ATP7B: variants seen among roughly 807,000 people sequenced by gnomAD.
ATP7B encodes ATPase copper transporting beta.
A neutral mutation model predicts 118.9 loss-of-function variants in ATP7B; 113 were observed. The observed-to-expected ratio is 0.95, with a 90% CI of 0.82 to 1.11. ATP7B has a LOEUF of 1.11. Among genes scored for constraint, ATP7B ranks in the 50% most tolerant of loss-of-function variants. ATP7B has a pLI of 0.00. For missense variants in ATP7B, 1,867 were observed against 1,871.4 expected (o/e 1.00, Z 0.04); for synonymous variants, 777 against 727.4 (o/e 1.07, Z -1.10).
intron 14 of ATP7B, 139 bp downstream of exon 14, chr13:51,943,970 G>T (rs147355085): frequency 1.4e-5 from 15 of 1,060,054 alleles, no homozygotes; most frequent in Non-Finnish European, 1.8e-5. Flanking sequence ...CTATATCTCC[G>T]CCTGCTGCAG....
chr13:51,995,980 C>A (rs1953186986), intron 1 of ATP7B, among the ~76,000 whole-genome samples: 1 of 152,222 alleles, frequency 6.6e-6, no homozygotes, highest in African/African-American at 2.4e-5. Context: ...GAAACCCAGT[C>A]TAGAGGCAGG....
chr13:51,951,358 G>A (rs936431883), intron 9 of ATP7B, among the ~76,000 whole-genome samples: 7 of 152,130 alleles, frequency 4.6e-5, no homozygotes, highest in Non-Finnish European at 1.0e-4. Context: ...AAGCAGCTAA[G>A]GGAGGGTGAG....
At position 51,934,859 on chromosome 13, in the gene ATP7B, G is replaced by A. The variant is rs375692175; in HGVS notation, c.4295C>T (p.Ser1432Phe). 35 of 1,614,090 alleles carry A rather than the reference G, an allele frequency of 2.2e-5. No individual in the cohort carries two copies. Among genetic ancestry groups the A allele is most frequent in the Middle Eastern group, 3.3e-4 (2 of 6,078 alleles). ...CCGAGATGGCTTGTCGGACGTCAGG[G>A]AGGACAGCGACACCTGGCTGACATA... ...VSYVSQVSLS[S>F]LTSDKPSRHS... is the part of the protein sequence containing the mutation. The change falls in exon 21 of 21, where the codon TCC (serine) becomes TTC (phenylalanine). Residue 1432 changes from serine (S) to phenylalanine (F), a missense_variant. Coordinates refer to ENST00000242839, the MANE Select transcript of ATP7B (RefSeq NM_000053.4).
chr13:51,953,851 TAA>T (rs561139788), intron 9 of ATP7B, among the ~76,000 whole-genome samples: 11 of 94,332 alleles, frequency 1.2e-4, no homozygotes, highest in Non-Finnish European at 1.0e-4. Flanking sequence ...CCATCAATTG[TAA>T]AAAAAAAAAA....
At chr13:51,949,822 T>C (rs372522271) in intron 11 of ATP7B, 26 bp from the exon 12 acceptor site, 24 of 1,613,620 alleles carry the variant, frequency 1.5e-5, no homozygotes, top group African/African-American at 8.0e-5. Context: ...ACCAAGACCA[T>C]GGGAAATTAC....
At chr13:51,976,614 T>C (rs986701792) in intron 1 of ATP7B, among the ~76,000 whole-genome samples, 1 of 152,200 alleles carries the variant, frequency 6.6e-6, no homozygotes, top group African/African-American at 2.4e-5. Flanking sequence ...GTGACCATCA[T>C]AGAGTCACTT....
chr13:51,945,525 G>A (rs1200375283), intron 13 of ATP7B, among the ~76,000 whole-genome samples: 2 of 152,104 alleles, frequency 1.3e-5, no homozygotes, highest in Non-Finnish European at 2.9e-5. Context: ...GTTCGTATTC[G>A]CTTCCCTGAC....
At position 51,942,487 on chromosome 13, in the gene ATP7B, C is replaced by T. The variant is rs764041557; in HGVS notation, c.3311G>A (p.Cys1104Tyr). The T allele has an allele frequency of 1.9e-6, 3 of 1,614,100 alleles. No individual in the cohort carries two copies. The highest frequency in any genetic ancestry group is 1.1e-5 in the South Asian group (1 of 91,086). The change falls in exon 15 of 21, where the codon TGC (cysteine) becomes TAC (tyrosine). Residue 1104 changes from cysteine to tyrosine, a missense_variant. By Grantham distance (194) the Cys-to-Tyr change is radical. Transcript: ENST00000242839. ...GATGCCTTCCACGTTGCTGACTTTG[C>T]ACCCAATTCCACAGCCTGGCACTGC... Reference protein sequence around the residue: ...FQAVPGCGIGCKVSNVEGILA... With the variant: ...FQAVPGCGIGYKVSNVEGILA...
In ATP7B at chr13:51,958,444, T is replaced by G; in HGVS notation, c.2222A>C (p.Tyr741Ser). ...CACCAGGATGACCAGAGAATAAACA[T>G]AAGCAATGCTTGTGGCCAGGACGAT... is the stretch of plus-strand genomic sequence containing the variant. The part of the protein sequence containing the change: ...VLIVLATSIA[Y>S]VYSLVILVVA... The change falls in exon 8 of 21, where the codon TAT becomes TCT. Residue 741 changes from tyrosine to serine, a missense_variant. Coordinates refer to ENST00000242839, the MANE Select transcript of ATP7B (RefSeq NM_000053.4). 6.2e-7 allele frequency: 1 copy of G among 1,614,188 alleles called. No homozygotes were observed. Among genetic ancestry groups the G allele is most frequent in the Non-Finnish European group, 8.5e-7 (1 of 1,180,042 alleles).
chr13:51,999,393 G>A (rs1478129981), intron 1 of ATP7B, among the ~76,000 whole-genome samples: 1 of 152,126 alleles, frequency 6.6e-6, no homozygotes, highest in African/African-American at 2.4e-5. Context: ...TTTCATATCA[G>A]CTTATTAACA....
At chr13:51,962,422 G>T (rs184333998) in intron 5 of ATP7B, among the ~76,000 whole-genome samples, 1 of 152,166 alleles carries the variant, frequency 6.6e-6, no homozygotes, top group Non-Finnish European at 1.5e-5. Context: ...CTTGTGCTTT[G>T]CTCACAGTTT....
In ATP7B at chr13:51,970,703, G is replaced by A; in HGVS notation, c.1332C>T (p.Ser444=). The A allele has an allele frequency of 6.2e-7, 1 of 1,614,140 alleles. No homozygotes were observed. The highest frequency in any genetic ancestry group is 8.5e-7 in the Non-Finnish European group (1 of 1,179,974). Reference sequence around the variant, plus strand: ...GTGTACCATCTGTAGTTTGCACCATGGAATTCCCAGCACTGTGGTTTCCAA... The same window carrying A: ...GTGTACCATCTGTAGTTTGCACCATAGAATTCCCAGCACTGTGGTTTCCAA... The part of the protein sequence containing the change: ...NPLGNHSAGN[S]MVQTTDGTPT... Residue 444 remains serine, a synonymous_variant, in exon 3 of 21, where the codon TCC becomes TCT. Coordinates refer to ENST00000242839, the MANE Select transcript of ATP7B (RefSeq NM_000053.4).
chr13:51,990,088 T>C (rs1250657242), intron 1 of ATP7B, among the ~76,000 whole-genome samples: 1 of 151,744 alleles, frequency 6.6e-6, no homozygotes, highest in Non-Finnish European at 1.5e-5. Flanking sequence ...TAAATCTTTT[T>C]TAAAATTAAA....
Position 51,995,047 on chromosome 13 carries a change from T to G in ATP7B, c.51+16240A>C, listed in dbSNP as rs531083231. Among the ~76,000 whole-genome samples the G allele has an allele frequency of 8.9e-4, 136 of 152,356 alleles. 5 individuals carry two copies. In the South Asian group the frequency reaches 0.026, roughly 29 times the overall value. On this transcript the variant is annotated intron_variant, in intron 1 of 20. Transcript: ENST00000242839. ...CATATTAGTAAAAAGAAGGAAGGAT[T>G]CATTTTTGTTTGACTTGCATTGTGG...
At position 51,960,313 on chromosome 13, in the gene ATP7B, C is replaced by T; in HGVS notation, c.1956G>A (p.Lys652=). Residue 652 remains lysine, a synonymous_variant, in exon 7 of 21, where the codon AAG becomes AAA. Coordinates refer to ENST00000242839, the MANE Select transcript of ATP7B (RefSeq NM_000053.4). ...CAAACACCAGGCTGCACAGGAAAGA[C>T]TTCTTCCACCTGGAAAGCAAATGCA... The part of the protein sequence containing the change: ...DHKMEIKQWK[K]SFLCSLVFGI... 6.2e-7 allele frequency: 1 copy of T among 1,613,276 alleles called. No individual in the cohort carries two copies. The highest frequency in any genetic ancestry group is 8.5e-7 in the Non-Finnish European group (1 of 1,179,834).
chr13:51,990,884 T>C (rs577922434), intron 1 of ATP7B, among the ~76,000 whole-genome samples: 42 of 152,262 alleles, frequency 2.8e-4, no homozygotes, highest in Admixed American at 7.8e-4. Flanking sequence ...GGTCAAGAGA[T>C]TGAGACGATC....
In ATP7B at chr13:51,961,861, A is replaced by G. The variant is rs186924074; in HGVS notation, c.1922T>C (p.Leu641Ser). The G allele has an allele frequency of 8.3e-4, 1,337 of 1,614,082 alleles. 2 individuals are homozygous for G. The highest frequency in any genetic ancestry group is 1.0e-3 in the Non-Finnish European group (1,214 of 1,179,944). ...LAQRNPNAHH[L>S]DHKMEIKQWK... The stretch of plus-strand genomic sequence containing the variant: ...CTGCTTTATTTCCATCTTGTGGTCC[A>G]AGTGATGAGCGTTGGGGTTTCTCTG... The change falls in exon 6 of 21, where the codon TTG (leucine) becomes TCG (serine). Residue 641 changes from leucine (L) to serine (S), a missense_variant. By Grantham distance (145) the Leu-to-Ser change is moderately radical. Transcript: ENST00000242839.
rs58319382 is a variant in ATP7B at position 51,992,979 on chromosome 13, C to CAAAAAAAAAAAAA, written c.52-17824_52-17812dup. 1.3e-4 allele frequency among the ~76,000 whole-genome samples: 8 copies of CAAAAAAAAAAAAA among 62,932 alleles called. 1 individual carries two copies. Among genetic ancestry groups the CAAAAAAAAAAAAA allele is most frequent in the Non-Finnish European group, 2.1e-4 (8 of 37,910 alleles). 41.3% of individuals were successfully genotyped at this position (62,932 alleles called of 152,430 possible). A position where few individuals can be genotyped will look rare whatever the true frequency, so the allele number is the denominator to read the frequency against. ...TGGATGACAGAGCAAGACTCTGTCT[C>CAAAAAAAAAAAAA]AAAAAAAAAAAAAAAAAAAAAAAGA... On this transcript the variant is annotated intron_variant, in intron 1 of 20. Coordinates refer to ENST00000242839, the MANE Select transcript of ATP7B (RefSeq NM_000053.4).
At position 52,011,437 on chromosome 13, in the gene ATP7B, G is replaced by A; in HGVS notation, c.-100C>T. 1 of 1,523,524 alleles carries A rather than the reference G, an allele frequency of 6.6e-7. No individual in the cohort carries two copies. Among genetic ancestry groups the A allele is most frequent in the Non-Finnish European group, 9.0e-7 (1 of 1,105,592 alleles). 94.4% of individuals were successfully genotyped at this position (1,523,524 alleles called of 1,614,324 possible). A position where few individuals can be genotyped will look rare whatever the true frequency, so the allele number is the denominator to read the frequency against. On this transcript the variant is annotated 5_prime_UTR_variant, in exon 1 of 21. Transcript: ENST00000242839. Reference sequence around the variant, plus strand: ...GGGTGTTAAAGTCCCGGGAGAGGAGGCGCAGAGTGTGAGGGCATCGGCGCG... The same window carrying A: ...GGGTGTTAAAGTCCCGGGAGAGGAGACGCAGAGTGTGAGGGCATCGGCGCG...
Sources: gnomAD v4.1 joint callset for allele counts (sites outside exome capture counted in the v4.1 genomes callset) on GRCh38, gnomAD v4.1.1 for gene constraint, MANE v1.5 for transcripts, NCBI Gene and HGNC (gene_info 2026-07-23, HGNC 2026-07-21) for gene names.